Variants in KIAA0319 observed in about 807,000 individuals in gnomAD.
KIAA0319 encodes KIAA0319.
Under a neutral mutation model 108.4 loss-of-function variants are expected in KIAA0319, and 83 were observed. The observed-to-expected ratio is 0.77, with a 90% confidence interval of 0.64 to 0.92. The LOEUF (loss-of-function observed/expected upper bound fraction) is 0.92, where lower values mean the gene tolerates loss of function less well. Among genes scored for constraint, KIAA0319 ranks in the 40% least tolerant of loss-of-function variants. The pLI is 0.00. For missense variants in KIAA0319, 1,195 were observed against 1,322.4 expected (o/e 0.90, Z 1.49); for synonymous variants, 484 against 510.4 (o/e 0.95, Z 0.70).
rs1017830297 is a variant in KIAA0319, at chr6:24,595,847, C to T, written c.801+26G>A. On this transcript the variant is annotated intron_variant, in intron 3 of 20. Transcript: ENST00000378214. ...TCTGCCCCACTCAGCCCATCCCACC[C>T]CCAAGCACATCCTGAACACACTCAC... is the stretch of plus-strand genomic sequence containing the variant. 6 of 1,563,280 alleles carry T rather than the reference C, an allele frequency of 3.8e-6. No homozygotes were observed. The East Asian group carries it at 9.0e-5, about 23-fold the overall frequency.
chr6:24,596,511 C>T lies in KIAA0319; in HGVS notation c.163G>A (p.Val55Ile), dbSNP rs552512704. Residue 55 changes from valine to isoleucine, a missense_variant, in exon 3 of 21, where the codon GTA becomes ATA. Val to Ile is a conservative substitution (Grantham distance 29). Coordinates refer to ENST00000378214, the MANE Select transcript of KIAA0319 (RefSeq NM_014809.4). ...IMRVSHTFPVVDCTAACCDLS... is the reference protein window; with the variant it reads ...IMRVSHTFPVIDCTAACCDLS... ...TCACAGCAAGCGGCCGTGCAGTCTACGACAGGGAAGGTGTGAGACACCCGC... is the reference window on the plus strand; with the variant it reads ...TCACAGCAAGCGGCCGTGCAGTCTATGACAGGGAAGGTGTGAGACACCCGC... 1.9e-5 allele frequency: 30 copies of T among 1,614,090 alleles called. No homozygotes were observed. The highest frequency in any genetic ancestry group is 2.5e-5 in the Non-Finnish European group (29 of 1,180,028).
chr6:24,613,714 A>T (rs1244099759), intron 1 of KIAA0319, among the ~76,000 whole-genome samples: 1 of 152,182 alleles, frequency 6.6e-6, no homozygotes, highest in African/African-American at 2.4e-5. Flanking sequence ...AAGACCTAGA[A>T]AACAAACCAC....
At chr6:24,610,963 AC>A (rs757705590) in intron 1 of KIAA0319, among the ~76,000 whole-genome samples, 41 of 120,998 alleles carry the variant, frequency 3.4e-4, no homozygotes, top group African/African-American at 6.0e-4. Context: ...AAATATACTA[AC>A]AAACAAACAA....
At position 24,567,525 on chromosome 6, in the gene KIAA0319, G is replaced by A. The variant is rs528145086; in HGVS notation, c.2141-777C>T. 2.3e-4 allele frequency among the ~76,000 whole-genome samples: 35 copies of A among 152,028 alleles called. No individual in the cohort carries two copies. The East Asian group carries it at 3.1e-3, about 13-fold the overall frequency. On this transcript the variant is annotated intron_variant, in intron 13 of 20. Coordinates refer to ENST00000378214, the MANE Select transcript of KIAA0319 (RefSeq NM_014809.4). ...AAGACCAGCCTGGGTAGCAAGACCC[G>A]TCTCCACACACACACAAAATTAAAA...
chr6:24,599,577 A>C lies in KIAA0319; in HGVS notation c.55+1472T>G. The C allele has an allele frequency of 1.6e-6, 1 of 607,390 alleles. No homozygotes were observed. Among genetic ancestry groups the C allele is most frequent in the Non-Finnish European group, 3.1e-6 (1 of 320,714 alleles). 37.6% of individuals were successfully genotyped at this position (607,390 alleles called of 1,614,324 possible). On this transcript the variant is annotated intron_variant, in intron 2 of 20. Transcript: ENST00000378214. The surrounding 1 kb of genome is among the most constrained non-coding windows in gnomAD (Gnocchi z 4.1). ...CTGGCTGGAGTCTGGGATGCAGAAC[A>C]TGAATATCCATACAAAGACCACCAG...
chr6:24,607,121 C>T (rs1173700980), intron 1 of KIAA0319, among the ~76,000 whole-genome samples: 10 of 152,258 alleles, frequency 6.6e-5, no homozygotes, highest in African/African-American at 1.9e-4. Context: ...TTTGGGAGGC[C>T]GAGGCAGGTG....
At chr6:24,639,781 G>A (rs1776679967) in intron 1 of KIAA0319, among the ~76,000 whole-genome samples, 1 of 149,556 alleles carries the variant, frequency 6.7e-6, no homozygotes, top group African/African-American at 2.5e-5. Context: ...CTGGGAGGCG[G>A]AGTTGCAGTG....
At chr6:24,642,113 G>A (rs1207641302) in intron 1 of KIAA0319, among the ~76,000 whole-genome samples, 1 of 115,290 alleles carries the variant, frequency 8.7e-6, no homozygotes, top group African/African-American at 3.2e-5. Context: ...GGAAGGGAAA[G>A]AAGGAAGGAA....
chr6:24,541,348 A>G (rs928036832), downstream of KIAA0319, among the ~76,000 whole-genome samples: 10 of 152,150 alleles, frequency 6.6e-5, no homozygotes, highest in African/African-American at 1.9e-4. Context: ...CTCTTCTTCT[A>G]ATAAGAAAAC....
intron 1 of KIAA0319, among the ~76,000 whole-genome samples, chr6:24,625,161 A>G (rs554869230): frequency 1.8e-3 from 275 of 152,382 alleles, no homozygotes; most frequent in Non-Finnish European, 2.6e-3. Flanking sequence ...AAATAGAACA[A>G]GAATAAAACT....
At chr6:24,553,107 G>A (rs1319600590) in intron 19 of KIAA0319, among the ~76,000 whole-genome samples, 1 of 151,816 alleles carries the variant, frequency 6.6e-6, no homozygotes. Context: ...CTCTTTGGCG[G>A]TGTTATTGCC....
At chr6:24,554,118 C>T (rs762450660) in intron 19 of KIAA0319, among the ~76,000 whole-genome samples, 4 of 152,164 alleles carry the variant, frequency 2.6e-5, no homozygotes, top group Non-Finnish European at 5.9e-5. Context: ...TGGGATCTGA[C>T]GCTATCTCCA....
At chr6:24,575,428 C>T (rs1001087313) in intron 10 of KIAA0319, among the ~76,000 whole-genome samples, 1 of 152,018 alleles carries the variant, frequency 6.6e-6, no homozygotes, top group African/African-American at 2.4e-5. Context: ...TGTATCCAAC[C>T]CGCCTCTGAA....
chr6:24,554,633 T>G lies in KIAA0319; in HGVS notation c.2858-2A>C. 1 of 1,608,182 alleles carries G rather than the reference T, an allele frequency of 6.2e-7. No individual in the cohort carries two copies. The highest frequency in any genetic ancestry group is 8.5e-7 in the Non-Finnish European group (1 of 1,176,016). On this transcript the variant is annotated splice_acceptor_variant, in intron 18 of 20. Coordinates refer to ENST00000378214, the MANE Select transcript of KIAA0319 (RefSeq NM_014809.4). LOFTEE classifies it high-confidence loss of function. ...CTGTCACATAGAATATACTCCACTC[T>G]GAAACACAAGAAAACCAAAGTGGAC...
intron 16 of KIAA0319, among the ~76,000 whole-genome samples, chr6:24,560,330 A>G (rs1392036880): frequency 6.6e-6 from 1 of 152,220 alleles, no homozygotes; most frequent in African/African-American, 2.4e-5. Context: ...AGCAATGTAT[A>G]AATGTTCCAG....
intron 1 of KIAA0319, among the ~76,000 whole-genome samples, chr6:24,627,414 G>A (rs958066159): frequency 2.6e-5 from 4 of 152,164 alleles, no homozygotes; most frequent in African/African-American, 9.7e-5. Flanking sequence ...TGAATTGGGA[G>A]GGAAGGTGAT....
At chr6:24,543,676 C>T (rs537707998), downstream of KIAA0319, among the ~76,000 whole-genome samples, 11 of 152,326 alleles carry the variant, frequency 7.2e-5, no homozygotes, top group Admixed American at 2.0e-4. Flanking sequence ...AAGTGATCCA[C>T]CTGCCTTGGC....
At chr6:24,634,439 T>C (rs1582347016) in intron 1 of KIAA0319, among the ~76,000 whole-genome samples, 1 of 152,318 alleles carries the variant, frequency 6.6e-6, no homozygotes, top group South Asian at 2.1e-4. Context: ...TCCAGATCTA[T>C]CAAAACCAGA....
At chr6:24,607,536 T>C (rs1445713973) in intron 1 of KIAA0319, among the ~76,000 whole-genome samples, 1 of 152,156 alleles carries the variant, frequency 6.6e-6, no homozygotes, top group Non-Finnish European at 1.5e-5. Flanking sequence ...ATGCAAATAC[T>C]ATAAAGCCAA....
Sources: gnomAD v4.1 joint callset for allele counts (sites outside exome capture counted in the v4.1 genomes callset) on GRCh38, gnomAD v4.1.1 for gene constraint, Gnocchi (gnomAD v3.1) non-coding constraint, MANE v1.5 for transcripts, NCBI Gene and HGNC (gene_info 2026-07-23, HGNC 2026-07-21) for gene names.